The following DNAH12 variants were observed in gnomAD, a reference collection of about 807,000 sequenced individuals.
The protein encoded by DNAH12 is axonemal beta dynein heavy chain 12.
Under a neutral mutation model 371.5 loss-of-function variants are expected in DNAH12, and 285 were observed. The observed-to-expected ratio is 0.77, with a 90% confidence interval of 0.70 to 0.85. The LOEUF (loss-of-function observed/expected upper bound fraction) is 0.85, where lower values mean the gene tolerates loss of function less well. DNAH12 is among the 40% of genes least tolerant of loss of function. The probability of loss-of-function intolerance (pLI) is 0.00; values close to 1 mark genes in which losing one functional copy is unlikely to be tolerated. For synonymous variants in DNAH12, 1,200 were observed against 1,213.0 expected (o/e 0.99, Z 0.22); for missense variants, 3,611 against 3,689.4 (o/e 0.98, Z 0.55).
chr3:57,345,716 T>G (rs781883339), intron 60 of DNAH12, among the ~76,000 whole-genome samples: 1 of 152,208 alleles, frequency 6.6e-6, no homozygotes, highest in African/African-American at 2.4e-5. Context: ...ATTTCTTGAC[T>G]GCAAATGATG....
chr3:57,327,681 C>G (rs2061984244), intron 62 of DNAH12, among the ~76,000 whole-genome samples: 1 of 151,620 alleles, frequency 6.6e-6, no homozygotes, highest in African/African-American at 2.4e-5. Flanking sequence ...CATTCAAAAG[C>G]TAGCAGAAGG....
chr3:57,314,022 G>A (rs1288983778), intron 66 of DNAH12, among the ~76,000 whole-genome samples: 1 of 152,116 alleles, frequency 6.6e-6, no homozygotes, highest in Non-Finnish European at 1.5e-5. Flanking sequence ...GTGATACTTT[G>A]AGCTACCCAA....
At chr3:57,444,918 G>A (rs1275413144) in intron 28 of DNAH12, 102 bp from the exon 29 acceptor site, 28 of 1,166,086 alleles carry the variant, frequency 2.4e-5, no homozygotes, top group Non-Finnish European at 2.9e-5. Flanking sequence ...CCACCCCCCT[G>A]GCTAAAAGTC....
At chr3:57,482,650 C>G (rs887390009) in intron 13 of DNAH12, among the ~76,000 whole-genome samples, 22 of 151,888 alleles carry the variant, frequency 1.4e-4, no homozygotes, top group Non-Finnish European at 2.9e-4. Context: ...CTATTCACAA[C>G]AGCAAAGACT....
the DNAH12 span, among the ~76,000 whole-genome samples, chr3:57,552,924 C>A: frequency 6.6e-6 from 1 of 151,870 alleles, no homozygotes; most frequent in Non-Finnish European, 1.5e-5. Context: ...TGCCTATAAT[C>A]CCAGCACTTT....
rs1373950057 is a variant in DNAH12 at position 57,296,880 on chromosome 3, G to A, written c.11499C>T (p.Thr3833=). 1.9e-6 allele frequency: 3 copies of A among 1,551,414 alleles called. No individual in the cohort carries two copies. Among genetic ancestry groups the A allele is most frequent in the East Asian group, 4.9e-5 (2 of 40,912 alleles). ...GAMQNYARKY[T]TPIDLLGYEF... is the part of the protein sequence containing the mutation. ...CATATCCTAGCAAATCAATAGGGGT[G>A]GTATATTTTCTGGCATAATTCTGCA... is the stretch of plus-strand genomic sequence containing the variant. Residue 3833 remains threonine, a synonymous_variant, in exon 71 of 74, where the codon ACC becomes ACT. Coordinates refer to ENST00000495027, the MANE Select transcript of DNAH12 (RefSeq NM_001366028.2).
chr3:57,488,121 A>C (rs1399146038), intron 12 of DNAH12, among the ~76,000 whole-genome samples: 1 of 152,166 alleles, frequency 6.6e-6, no homozygotes, highest in Non-Finnish European at 1.5e-5. Flanking sequence ...AAGGCACTAG[A>C]TATTTTACAA....
intron 13 of DNAH12, among the ~76,000 whole-genome samples, chr3:57,478,510 A>C (rs1215371457): frequency 1.3e-5 from 2 of 152,202 alleles, no homozygotes; most frequent in African/African-American, 4.8e-5. Flanking sequence ...GCAGGATATT[A>C]TCCAGGAGAA....
intron 43 of DNAH12, among the ~76,000 whole-genome samples, chr3:57,400,203 G>A (rs1559616424): frequency 1.3e-5 from 2 of 152,132 alleles, no homozygotes; most frequent in South Asian, 2.1e-4. Context: ...CATGAGAATC[G>A]CTTGATCTCA....
intron 27 of DNAH12, 119 bp downstream of exon 27, chr3:57,445,912 C>T (rs113066525): frequency 0.13 from 122,165 of 917,254 alleles, 8,865 homozygotes; most frequent in Non-Finnish European, 0.14. Context: ...CGCTTGAACC[C>T]GGGAGGTGGA....
chr3:57,425,074 C>T lies in DNAH12; in HGVS notation c.5321G>A (p.Cys1774Tyr). ...AGTAGGATCATTTTCTACCACATTG[C>T]AAAGTAGCACTTCAAAGAGGCGTGT... Reference protein sequence around the residue: ...SLTRLFEVLLCNVVENDPTSK... With the variant: ...SLTRLFEVLLYNVVENDPTSK... The change falls in exon 35 of 74, where the codon TGC becomes TAC. Residue 1774 changes from cysteine to tyrosine, a missense_variant. Cys to Tyr is a radical substitution (Grantham distance 194). Around this residue, in one of 3 missense-constraint regions of DNAH12, gnomAD observed 2,266 missense variants for 2,236.9 expected, o/e 1.01. Transcript: ENST00000495027. The T allele has an allele frequency of 2.8e-6, 2 of 702,740 alleles. 1 individual carries two copies. The highest frequency in any genetic ancestry group is 4.6e-4 in the Middle Eastern group (2 of 4,370). The allele number at this position is 702,740 out of a possible 1,614,324, so 43.5% of individuals were successfully genotyped here. A position where few individuals can be genotyped will look rare whatever the true frequency, so the allele number is the denominator to read the frequency against.
At chr3:57,474,497 T>C (rs2066463747) in intron 13 of DNAH12, among the ~76,000 whole-genome samples, 1 of 152,066 alleles carries the variant, frequency 6.6e-6, no homozygotes, top group South Asian at 2.1e-4. Flanking sequence ...GATTTCACCA[T>C]GTTGGTCAGG....
At chr3:57,472,972 A>G (rs2066409633) in intron 13 of DNAH12, among the ~76,000 whole-genome samples, 1 of 152,180 alleles carries the variant, frequency 6.6e-6, no homozygotes, top group Non-Finnish European at 1.5e-5. Context: ...TGACTGAAAA[A>G]TATAATTAAA....
intron 69 of DNAH12, among the ~76,000 whole-genome samples, chr3:57,308,834 C>T (rs1205864289): frequency 6.6e-6 from 1 of 152,164 alleles, no homozygotes; most frequent in Non-Finnish European, 1.5e-5. Context: ...TTCTTCTTCT[C>T]TTATTCCATT....
At chr3:57,361,430 T>TACAC (rs1386719883) in intron 58 of DNAH12, among the ~76,000 whole-genome samples, 5 of 129,670 alleles carry the variant, frequency 3.9e-5, no homozygotes, top group African/African-American at 1.7e-4. Context: ...ACTATATATA[T>TACAC]ATACACACAC....
At chr3:57,348,032 T>C (rs911759832) in intron 60 of DNAH12, among the ~76,000 whole-genome samples, 1 of 151,988 alleles carries the variant, frequency 6.6e-6, no homozygotes, top group Non-Finnish European at 1.5e-5. Flanking sequence ...CCCAAAGGAG[T>C]TGAAAACTTA....
intron 13 of DNAH12, among the ~76,000 whole-genome samples, chr3:57,482,243 C>T (rs904292289): frequency 9.2e-5 from 14 of 152,206 alleles, no homozygotes; most frequent in Admixed American, 7.2e-4. Context: ...CAAACAACCC[C>T]ATCAAAAAGT....
At chr3:57,403,219 C>A (rs1047060072) in intron 43 of DNAH12, 90 bp downstream of exon 43, 65 of 1,261,428 alleles carry the variant, frequency 5.2e-5, no homozygotes, top group Non-Finnish European at 6.8e-5. Context: ...CACTGGAGTT[C>A]AGTACACAGC....
Position 57,322,233 on chromosome 3 carries a change from T to C in DNAH12, c.10524+110A>G. 4 of 1,226,718 alleles carry C rather than the reference T, an allele frequency of 3.3e-6. No individual in the cohort carries two copies. In the South Asian group the frequency reaches 8.0e-5, roughly 25 times the overall value. 76.0% of individuals were successfully genotyped at this position (1,226,718 alleles called of 1,614,324 possible). ...GTCTTGTTAGGAAATGCGTAAAGTT[T>C]TAAAAACATTAAATAAAAATGTTAC... On this transcript the variant is annotated intron_variant, in intron 65 of 73. Transcript: ENST00000495027.
Sources: gnomAD v4.1 joint callset for allele counts (sites outside exome capture counted in the v4.1 genomes callset) on GRCh38, gnomAD v4.1.1 for gene constraint, gnomAD v4.1.1 regional missense constraint, MANE v1.5 for transcripts, NCBI Gene and HGNC (gene_info 2026-07-23, HGNC 2026-07-21) for gene names.